HOXB3: variants seen among roughly 807,000 people sequenced by gnomAD.
The protein encoded by HOXB3 is homeobox B3, also known as homeobox protein Hox-B3.
Under a neutral mutation model 29.2 loss-of-function variants are expected in HOXB3, and 17 were observed. That is an observed-to-expected ratio of 0.58 (90% CI 0.40 to 0.87). The LOEUF (loss-of-function observed/expected upper bound fraction) is 0.87. Ranked by LOEUF, HOXB3 falls within the 40% of genes least tolerant of loss-of-function variation. The pLI is 0.00. For synonymous variants in HOXB3, 317 were observed against 285.9 expected, an observed-to-expected ratio of 1.11 and a Z score of -1.10; for missense variants, 637 against 616.3, an observed-to-expected ratio of 1.03 and a Z score of -0.35.
chr17:48,573,794 TAAAACGATC>T, intron 2 of HOXB3, 34 bp downstream of exon 2: 2 of 691,518 alleles, frequency 2.9e-6, no homozygotes, highest in South Asian at 3.1e-5. Flanking sequence ...AAAGAGCTCA[TAAAACGATC>T]AAAACACGCC....
At chr17:48,570,761 G>A (rs2069560571) in intron 2 of HOXB3, among the ~76,000 whole-genome samples, 1 of 152,216 alleles carries the variant, frequency 6.6e-6, no homozygotes, top group Admixed American at 6.5e-5. Context: ...GGACTCTGTA[G>A]GGGAGGTGGT....
At chr17:48,571,543 T>C (rs2069586766) in intron 2 of HOXB3, among the ~76,000 whole-genome samples, 1 of 152,258 alleles carries the variant, frequency 6.6e-6, no homozygotes, top group South Asian at 2.1e-4. Flanking sequence ...TTCCCCTTAG[T>C]GAACCCCAGG....
chr17:48,561,095 G>A (rs971134277), intron 2 of HOXB3, among the ~76,000 whole-genome samples: 4 of 151,816 alleles, frequency 2.6e-5, no homozygotes, highest in Non-Finnish European at 4.4e-5. Context: ...CAGGAGAATC[G>A]CTTGAACCCA....
At chr17:48,571,051 C>G (rs539923808) in intron 2 of HOXB3, among the ~76,000 whole-genome samples, 1 of 152,156 alleles carries the variant, frequency 6.6e-6, no homozygotes, top group Non-Finnish European at 1.5e-5. Context: ...CAAAATGACA[C>G]GAAGGCACGC....
intron 1 of HOXB3, chr17:48,577,867 G>A (rs1210528934): frequency 2.9e-6 from 4 of 1,403,014 alleles, no homozygotes; most frequent in Admixed American, 2.9e-5. Context: ...ACTCACCCGT[G>A]CTCACGTGAA....
chr17:48,576,877 G>A (rs766702664), intron 1 of HOXB3: 2 of 1,614,250 alleles, frequency 1.2e-6, no homozygotes, highest in Non-Finnish European at 1.7e-6. Flanking sequence ...CGCTCGGAGA[G>A]GCAGAGCGCG....
Position 48,554,607 on chromosome 17 carries a change from C to T in HOXB3, c.-159+924G>A, listed in dbSNP as rs1426142544. Reference sequence around the variant, plus strand: ...CAGCCGGTCGCTGCTGCCGCGGCGACTGGCGACAAGCTACCAGCCACCTAC... The same window carrying T: ...CAGCCGGTCGCTGCTGCCGCGGCGATTGGCGACAAGCTACCAGCCACCTAC... On this transcript the variant is annotated intron_variant, in intron 3 of 4. Coordinates refer to ENST00000498678, the MANE Select transcript of HOXB3 (RefSeq NM_001384749.1). This position sits in a 1 kb window ranked among gnomAD's most constrained non-coding sequence, Gnocchi z 4.1. The T allele has an allele frequency of 2.9e-6, 2 of 700,994 alleles. No homozygotes were observed. The highest frequency in any genetic ancestry group is 3.5e-5 in the African/African-American group (2 of 57,170). 43.4% of individuals were successfully genotyped at this position (700,994 alleles called of 1,614,324 possible).
chr17:48,551,787 T>C (rs2068756349), intron 4 of HOXB3, among the ~76,000 whole-genome samples: 1 of 152,210 alleles, frequency 6.6e-6, no homozygotes, highest in Non-Finnish European at 1.5e-5. Context: ...GGAAGGGCTT[T>C]GAGGCCACGC....
intron 2 of HOXB3, chr17:48,556,672 G>A (rs978908294): frequency 2.6e-5 from 4 of 152,118 alleles, no homozygotes; most frequent in Non-Finnish European, 5.9e-5. Flanking sequence ...TTGAGAAAAG[G>A]GTGACAAAAG....
intron 2 of HOXB3, among the ~76,000 whole-genome samples, chr17:48,557,921 G>A (rs2069050743): frequency 6.6e-6 from 1 of 152,128 alleles, no homozygotes; most frequent in Non-Finnish European, 1.5e-5. Flanking sequence ...ACTCTGGTTA[G>A]AGACCTACAG....
At chr17:48,566,769 T>TC (rs2069403499) in intron 2 of HOXB3, among the ~76,000 whole-genome samples, 3 of 152,164 alleles carry the variant, frequency 2.0e-5, no homozygotes, top group African/African-American at 7.2e-5. Context: ...TCTCAAAAAC[T>TC]CCAAGACTTT....
chr17:48,580,217 T>A (rs1328775030), intron 1 of HOXB3: 1 of 261,094 alleles, frequency 3.8e-6, no homozygotes, highest in Non-Finnish European at 7.3e-6. Flanking sequence ...GATGTAAACA[T>A]TAGCTAAGCA....
At chr17:48,559,973 G>A (rs944473183) in intron 2 of HOXB3, 5 of 152,356 alleles carry the variant, frequency 3.3e-5, no homozygotes, top group African/African-American at 1.2e-4. Context: ...TGCTGCCAGC[G>A]AGTTGGGAGC....
chr17:48,573,293 A>G (rs908858699), intron 2 of HOXB3, among the ~76,000 whole-genome samples: 5 of 152,198 alleles, frequency 3.3e-5, no homozygotes, highest in Non-Finnish European at 7.3e-5. Flanking sequence ...ACAAGAAGAA[A>G]AAAAAGAACA....
intron 1 of HOXB3, chr17:48,578,588 T>A (rs1567964455): frequency 2.7e-6 from 1 of 366,106 alleles, no homozygotes; most frequent in East Asian, 7.0e-5. Context: ...ATAGGGCTCC[T>A]GCGGGGCGAC....
intron 2 of HOXB3, 66 bp from the exon 3 acceptor site, chr17:48,555,684 C>G (rs1304355683): frequency 1.4e-6 from 1 of 692,524 alleles, no homozygotes; most frequent in African/African-American, 1.8e-5. Context: ...CCCGCCCCCG[C>G]CCCGCAAAGC....
intron 1 of HOXB3, chr17:48,577,855 G>T: frequency 7.1e-7 from 1 of 1,401,906 alleles, no homozygotes; most frequent in Non-Finnish European, 9.3e-7. Context: ...GGGTGCCCAC[G>T]CACTCACCCG....
chr17:48,550,061 T>G lies in HOXB3; in HGVS notation c.*273A>C, dbSNP rs1456647291. On this transcript the variant is annotated 3_prime_UTR_variant, in exon 5 of 5. Transcript: ENST00000498678. ...CCACTCCCGGGCGTGGAATTCCAAC[T>G]TGGTAGTGCTGGAGCCCTGGGGTTG... 7.2e-6 allele frequency: 3 copies of G among 414,466 alleles called. No homozygotes were observed. Among genetic ancestry groups the G allele is most frequent in the East Asian group, 4.6e-5 (1 of 21,864 alleles). 25.7% of individuals were successfully genotyped at this position (414,466 alleles called of 1,614,324 possible).
In HOXB3 at chr17:48,573,928, T is replaced by G. The variant is rs191672396; in HGVS notation, c.-338A>C. 8.6e-6 allele frequency: 6 copies of G among 696,498 alleles called. No homozygotes were observed. Among genetic ancestry groups the G allele is most frequent in the Non-Finnish European group, 1.6e-5 (6 of 383,326 alleles). The allele number at this position is 696,498 out of a possible 1,614,324, so 43.1% of individuals were successfully genotyped here. On this transcript the variant is annotated 5_prime_UTR_variant, in exon 2 of 5. Transcript: ENST00000498678. The stretch of plus-strand genomic sequence containing the variant: ...AAACTGAGAGAAAAAAGTTTTCAAC[T>G]TTATGGTTCCAAATTTTTTCCCCCT...
Sources: allele counts gnomAD v4.1 joint callset (sites outside exome capture counted in the v4.1 genomes callset), GRCh38; gene constraint gnomAD v4.1.1; non-coding constraint Gnocchi (gnomAD v3.1); transcripts MANE v1.5; gene names NCBI Gene and HGNC (gene_info 2026-07-23, HGNC 2026-07-21).